The following PTPN21 variants were observed in gnomAD, a reference collection of about 807,000 sequenced individuals.
The protein encoded by PTPN21 is protein tyrosine phosphatase non-receptor type 21, also known as tyrosine-protein phosphatase non-receptor type 21.
Under a neutral mutation model 131.8 loss-of-function variants are expected in PTPN21, and 77 were observed. The ratio of observed to expected loss-of-function variants is 0.58; its 90% CI spans 0.49 to 0.71. The LOEUF (loss-of-function observed/expected upper bound fraction) is 0.71, where lower values mean the gene tolerates loss of function less well. PTPN21 is among the 30% of genes least tolerant of loss of function. The pLI is 0.00. For missense variants in PTPN21, 1,552 were observed against 1,527.1 expected (o/e 1.02, Z -0.27); for synonymous variants, 715 against 621.3 (o/e 1.15, Z -2.24).
intron 4 of PTPN21, among the ~76,000 whole-genome samples, chr14:88,507,102 C>T (rs2078103248): frequency 6.6e-6 from 1 of 151,830 alleles, no homozygotes. Flanking sequence ...AAGCAAACAC[C>T]ACCTGTTCCC....
Position 88,518,363 on chromosome 14 carries a change from C to CGTGT in PTPN21, c.181-1106_181-1103dup, listed in dbSNP as rs763310026. 3.3e-3 allele frequency among the ~76,000 whole-genome samples: 154 copies of CGTGT among 46,754 alleles called. 8 individuals carry two copies. The highest frequency in any genetic ancestry group is 3.8e-3 in the Non-Finnish European group (90 of 23,404). 30.7% of individuals were successfully genotyped at this position (46,754 alleles called of 152,430 possible). On this transcript the variant is annotated intron_variant, in intron 2 of 18. Transcript: ENST00000556564. ...GTGTATAAGTGTATATATACATACA[C>CGTGT]GTGTGTGTGTATGTGTGTGTGTGTA...
At position 88,466,160 on chromosome 14, in the gene PTPN21, T is replaced by C. The variant is rs1284187000; in HGVS notation, c.*1977A>G. ...TTATTCCTTTCTTCTAAGGAGCTCG[T>C]TCTGAATATTTTCACTTAGTTCTAC... On this transcript the variant is annotated 3_prime_UTR_variant, in exon 19 of 19. Transcript: ENST00000556564. 1 of 152,166 alleles carries C rather than the reference T, an allele frequency of 6.6e-6. No individual in the cohort carries two copies. Among genetic ancestry groups the C allele is most frequent in the Non-Finnish European group, 1.5e-5 (1 of 68,030 alleles). 9.4% of individuals were successfully genotyped at this position (152,166 alleles called of 1,614,324 possible).
chr14:88,471,255 G>A (rs1399150861), intron 15 of PTPN21, among the ~76,000 whole-genome samples: 2 of 152,098 alleles, frequency 1.3e-5, no homozygotes, highest in African/African-American at 4.8e-5. Context: ...ACCACCACCT[G>A]TCCACAGTTA....
rs759689653 is a variant in PTPN21 at position 88,473,660 on chromosome 14, C to G, written c.2649+5G>C. On this transcript the variant is annotated splice_donor_5th_base_variant and intron_variant, in intron 14 of 18. Transcript: ENST00000556564. ...GGCACAAAGCCCTGTGTGTCCCATA[C>G]ATACCCTTTCATCATTCGTTGCTCT... is the stretch of plus-strand genomic sequence containing the variant. The G allele has an allele frequency of 6.2e-7, 1 of 1,612,094 alleles. No individual in the cohort carries two copies. Among genetic ancestry groups the G allele is most frequent in the South Asian group, 1.1e-5 (1 of 90,520 alleles).
chr14:88,475,230 T>C (rs1034024239), intron 13 of PTPN21, among the ~76,000 whole-genome samples: 1 of 152,144 alleles, frequency 6.6e-6, no homozygotes, highest in African/African-American at 2.4e-5. Flanking sequence ...TCTCAGCCTG[T>C]AACAGGCCAT....
chr14:88,554,080 T>C (rs751768757), intron 1 of PTPN21, among the ~76,000 whole-genome samples: 1 of 152,238 alleles, frequency 6.6e-6, no homozygotes, highest in Non-Finnish European at 1.5e-5. Context: ...CAGTTGTCAC[T>C]TGGAGCACAC....
chr14:88,476,949 A>ATT, intron 13 of PTPN21, among the ~76,000 whole-genome samples: 1 of 152,216 alleles, frequency 6.6e-6, no homozygotes, highest in East Asian at 1.9e-4. Flanking sequence ...TTCAAAACAT[A>ATT]CAGGGATAAA....
At chr14:88,470,275 A>G (rs187094941) in intron 15 of PTPN21, 3 of 548,078 alleles carry the variant, frequency 5.5e-6, no homozygotes, top group Admixed American at 3.2e-5. Context: ...GTGAATATAC[A>G]TAATATCTAT....
At chr14:88,501,494 C>G in intron 6 of PTPN21, 126 bp from the exon 7 acceptor site, 1 of 769,024 alleles carries the variant, frequency 1.3e-6, no homozygotes, top group Non-Finnish European at 2.2e-6. Context: ...TTCTAAGCAT[C>G]TATAATTGGC....
rs996880278 is a variant in PTPN21, at chr14:88,536,537, C to T, written c.180+13701G>A. Among the ~76,000 whole-genome samples, 6 of 152,310 alleles carry T rather than the reference C, an allele frequency of 3.9e-5. No individual in the cohort carries two copies. In the East Asian group the frequency reaches 9.7e-4, roughly 25 times the overall value. On this transcript the variant is annotated intron_variant, in intron 2 of 18. Transcript: ENST00000556564. ...TGAGATGGGGAAAAAATGTGCAGCA[C>T]CCAAATCATAGTCCCCTAAGGAGAC...
intron 2 of PTPN21, among the ~76,000 whole-genome samples, chr14:88,541,954 A>C (rs2078711997): frequency 6.6e-6 from 1 of 152,192 alleles, no homozygotes; most frequent in Non-Finnish European, 1.5e-5. Flanking sequence ...GCCTAGGCCC[A>C]TGGATGGACT....
intron 2 of PTPN21, among the ~76,000 whole-genome samples, chr14:88,526,282 G>A (rs138737647): frequency 0.011 from 1,601 of 152,174 alleles, 30 homozygotes; most frequent in African/African-American, 0.037. Flanking sequence ...AGGCACGGTG[G>A]CTCACATCTA....
chr14:88,515,429 T>G (rs1045543205), intron 3 of PTPN21: 1 of 152,188 alleles, frequency 6.6e-6, no homozygotes, highest in Non-Finnish European at 1.5e-5. Context: ...CTGATCTACC[T>G]TCTATGATGG....
intron 18 of PTPN21, 113 bp from the exon 19 acceptor site, chr14:88,468,378 T>C: frequency 9.5e-7 from 1 of 1,055,634 alleles, no homozygotes; most frequent in East Asian, 2.5e-5. Context: ...CAGTCTCTTT[T>C]CCACCTTAGC....
intron 10 of PTPN21, among the ~76,000 whole-genome samples, chr14:88,495,768 G>A (rs899844691): frequency 6.6e-6 from 1 of 152,126 alleles, no homozygotes; most frequent in Non-Finnish European, 1.5e-5. Flanking sequence ...AGGAGCTGTC[G>A]GAGGATCAGT....
chr14:88,535,197 C>T (rs771656955), intron 2 of PTPN21, among the ~76,000 whole-genome samples: 1 of 152,114 alleles, frequency 6.6e-6, no homozygotes, highest in Non-Finnish European at 1.5e-5. Context: ...TTTATTATAG[C>T]CTACCAGGAC....
At chr14:88,526,560 A>C (rs1329186641) in intron 2 of PTPN21, among the ~76,000 whole-genome samples, 1 of 148,546 alleles carries the variant, frequency 6.7e-6, no homozygotes, top group East Asian at 1.9e-4. Flanking sequence ...AAAAAAAAAA[A>C]AAAAAAAAAA....
At chr14:88,543,634 T>C (rs1310360293) in intron 2 of PTPN21, among the ~76,000 whole-genome samples, 1 of 152,206 alleles carries the variant, frequency 6.6e-6, no homozygotes, top group Admixed American at 6.5e-5. Context: ...ACAAGAGTCC[T>C]ACTTTGATGG....
Position 88,505,183 on chromosome 14 carries a change from T to C in PTPN21, c.516+121A>G, listed in dbSNP as rs80302635. 8 of 746,930 alleles carry C rather than the reference T, an allele frequency of 1.1e-5. No individual in the cohort carries two copies. The African/African-American group carries it at 1.2e-4, about 12-fold the overall frequency. The allele number at this position is 746,930 out of a possible 1,614,324, so 46.3% of individuals were successfully genotyped here. On this transcript the variant is annotated intron_variant, in intron 5 of 18. Coordinates refer to ENST00000556564, the MANE Select transcript of PTPN21 (RefSeq NM_007039.4). ...CACTTGAGATGTTTATAAGAGGGAA[T>C]TTTTTTTTATAATCCTATTCCTGAC...
Sources: gnomAD v4.1 joint callset for allele counts (sites outside exome capture counted in the v4.1 genomes callset) on GRCh38, gnomAD v4.1.1 for gene constraint, MANE v1.5 for transcripts, NCBI Gene and HGNC (gene_info 2026-07-23, HGNC 2026-07-21) for gene names.